MTR: variants seen among roughly 807,000 people sequenced by gnomAD.
The protein encoded by MTR is methionine synthase.
MTR carries 84 observed loss-of-function variants against 154.8 expected under a neutral mutation model. That is an observed-to-expected ratio of 0.54 (90% CI 0.45 to 0.65). MTR has a LOEUF of 0.65. Ranked by LOEUF, MTR falls within the 30% of genes least tolerant of loss-of-function variation. The pLI, the probability that MTR is intolerant of heterozygous loss-of-function variation, is 0.00. For missense variants in MTR, 1,275 were observed against 1,570.2 expected (o/e 0.81, Z 3.18); for synonymous variants, 554 against 553.9 (o/e 1.00, Z 0.00).
chr1:236,827,771 T>A (rs1662377348), intron 11 of MTR, among the ~76,000 whole-genome samples: 1 of 152,150 alleles, frequency 6.6e-6, no homozygotes, highest in African/African-American at 2.4e-5. Context: ...GTTTTATAGC[T>A]TATAGGAAGA....
intron 12 of MTR, among the ~76,000 whole-genome samples, chr1:236,830,835 C>A (rs962656702): frequency 6.6e-6 from 1 of 152,154 alleles, no homozygotes; most frequent in African/African-American, 2.4e-5. Flanking sequence ...GCGATAATCT[C>A]TATCAGTGCA....
chr1:236,816,094 G>T (rs1401657496), intron 7 of MTR, among the ~76,000 whole-genome samples: 1 of 152,186 alleles, frequency 6.6e-6, no homozygotes, highest in Non-Finnish European at 1.5e-5. Flanking sequence ...TCAAAACAAG[G>T]GTGTTAGATA....
intron 1 of MTR, among the ~76,000 whole-genome samples, chr1:236,798,234 A>G (rs1006259321): frequency 6.6e-6 from 1 of 152,196 alleles, no homozygotes; most frequent in Non-Finnish European, 1.5e-5. Flanking sequence ...AGTCAGATCT[A>G]TTTGGGGTCA....
At chr1:236,850,320 T>C (rs761445342) in intron 15 of MTR, 24 bp from the exon 16 acceptor site, 3 of 1,585,894 alleles carry the variant, frequency 1.9e-6, no homozygotes, top group Non-Finnish European at 2.6e-6. Context: ...TATTTCAAAC[T>C]ACATCTTTTG....
chr1:236,806,217 A>G lies in MTR; in HGVS notation c.323A>G (p.Tyr108Cys), dbSNP rs1660975598. ...FSSTSIAQAD[Y>C]GLEHLAYRMN... ...AGCACTAGTATTGCCCAAGCTGACT[A>G]TGGCCTTGAACACTTGGTAAGAATT... Residue 108 changes from tyrosine (Y) to cysteine (C), a missense_variant, in exon 3 of 33, where the codon TAT (tyrosine) becomes TGT (cysteine). Transcript: ENST00000366577. 3 of 1,613,896 alleles carry G rather than the reference A, an allele frequency of 1.9e-6. No homozygotes were observed. The highest frequency in any genetic ancestry group is 2.5e-6 in the Non-Finnish European group (3 of 1,179,754).
Position 236,895,426 on chromosome 1 carries a change from G to A in MTR, c.3474G>A (p.Leu1158=), listed in dbSNP as rs142113735. 6.0e-3 allele frequency: 9,618 copies of A among 1,604,632 alleles called. 39 individuals carry two copies. The highest frequency in any genetic ancestry group is 0.011 in the Middle Eastern group (66 of 6,052). ...ELWAYCGSEQ[L]DVADLRRLRY... ...GGGCCTACTGTGGCAGTGAGCAGCT[G>A]GACGTCGCAGACCTGCGCAGGCTGC... Residue 1158 remains leucine (L), a synonymous_variant, in exon 31 of 33, where the codon CTG becomes CTA. Coordinates refer to ENST00000366577, the MANE Select transcript of MTR (RefSeq NM_000254.3).
At chr1:236,867,190 T>C (rs1485852318) in intron 22 of MTR, among the ~76,000 whole-genome samples, 1 of 152,146 alleles carries the variant, frequency 6.6e-6, no homozygotes, top group African/African-American at 2.4e-5. Flanking sequence ...ACAGGCTGAC[T>C]CTCTTGTGGA....
chr1:236,834,762 C>A (rs1007352690), intron 13 of MTR, among the ~76,000 whole-genome samples: 1 of 152,148 alleles, frequency 6.6e-6, no homozygotes, highest in African/African-American at 2.4e-5. Flanking sequence ...TATTATGGAA[C>A]ATGTATATTT....
chr1:236,835,399 G>A, intron 13 of MTR, 148 bp from the exon 14 acceptor site: 1 of 850,882 alleles, frequency 1.2e-6, no homozygotes, highest in Non-Finnish European at 2.0e-6. Context: ...GATGAGTGAT[G>A]GGTGGACAGC....
intron 17 of MTR, 35 bp from the exon 18 acceptor site, chr1:236,852,913 C>A (rs765838539): frequency 6.2e-7 from 1 of 1,613,122 alleles, no homozygotes; most frequent in Admixed American, 1.7e-5. Flanking sequence ...TAAGGTATCA[C>A]TGTAAATTCT....
At position 236,874,965 on chromosome 1, in the gene MTR, G is replaced by A. The variant is rs144125442; in HGVS notation, c.2594+119G>A. 666 of 1,162,784 alleles carry A rather than the reference G, an allele frequency of 5.7e-4. 5 individuals carry two copies. The African/African-American group carries it at 8.1e-3, about 14-fold the overall frequency. The allele number at this position is 1,162,784 out of a possible 1,614,324, so 72.0% of individuals were successfully genotyped here. A position where few individuals can be genotyped will look rare whatever the true frequency, so the allele number is the denominator to read the frequency against. On this transcript the variant is annotated intron_variant, in intron 24 of 32. Transcript: ENST00000366577. ...CTTATGTTTAGTACATTGACTTTTT[G>A]TTATATAAACACAAACATTTTCTGG... is the stretch of plus-strand genomic sequence containing the variant.
rs187554293 is a variant in MTR, at chr1:236,862,356, G to T, written c.2304+13G>T. The T allele has an allele frequency of 6.2e-7, 1 of 1,605,958 alleles. No individual in the cohort carries two copies. The highest frequency in any genetic ancestry group is 8.5e-7 in the Non-Finnish European group (1 of 1,172,646). On this transcript the variant is annotated intron_variant, in intron 21 of 32. Transcript: ENST00000366577. ...AGTAGAAGAAGAGGCAAGTCATTTT[G>T]TTCAGGCCTATGGGCCTTTAGTGGG...
At chr1:236,887,528 T>A (rs1235282607) in intron 27 of MTR, among the ~76,000 whole-genome samples, 1 of 152,226 alleles carries the variant, frequency 6.6e-6, no homozygotes, top group Non-Finnish European at 1.5e-5. Flanking sequence ...CCCTGTGAAA[T>A]TGGAATAATA....
intron 3 of MTR, among the ~76,000 whole-genome samples, chr1:236,806,990 T>C (rs1481914234): frequency 6.6e-6 from 1 of 152,196 alleles, no homozygotes; most frequent in Non-Finnish European, 1.5e-5. Context: ...CATCTGTTGA[T>C]CATTTGGGTT....
intron 4 of MTR, 47 bp downstream of exon 4, chr1:236,808,820 C>A: frequency 6.4e-7 from 1 of 1,552,864 alleles, no homozygotes; most frequent in Non-Finnish European, 8.9e-7. Context: ...TCCTTTGATA[C>A]TGTCAGCTAT....
intron 29 of MTR, among the ~76,000 whole-genome samples, chr1:236,893,593 A>G (rs1203103745): frequency 6.6e-6 from 1 of 152,238 alleles, no homozygotes; most frequent in Non-Finnish European, 1.5e-5. Flanking sequence ...GCAGGCATAC[A>G]GTAACCACTG....
At chr1:236,849,631 A>T (rs1663785180) in intron 15 of MTR, among the ~76,000 whole-genome samples, 1 of 152,150 alleles carries the variant, frequency 6.6e-6, no homozygotes, top group African/African-American at 2.4e-5. Context: ...AGTAGAGGAG[A>T]GGGCAAATGG....
In MTR at chr1:236,844,879, G is replaced by A. The variant is rs138310061; in HGVS notation, c.1516-5465G>A. ...TGCAAAGCAGACTCACTCTGACAGG[G>A]AAGGCAGTCACTGCTGGAGCTTTTG... On this transcript the variant is annotated intron_variant, in intron 15 of 32. Coordinates refer to ENST00000366577, the MANE Select transcript of MTR (RefSeq NM_000254.3). 3.7e-3 allele frequency among the ~76,000 whole-genome samples: 570 copies of A among 152,284 alleles called. 2 individuals carry two copies. Among genetic ancestry groups the A allele is most frequent in the Non-Finnish European group, 4.6e-3 (312 of 68,030 alleles).
intron 22 of MTR, among the ~76,000 whole-genome samples, chr1:236,867,686 A>G (rs1664894744): frequency 6.6e-6 from 1 of 152,218 alleles, no homozygotes. Context: ...AGGTCAAAAT[A>G]TCAACATTAA....
Sources: allele counts gnomAD v4.1 joint callset (sites outside exome capture counted in the v4.1 genomes callset), GRCh38; gene constraint gnomAD v4.1.1; transcripts MANE v1.5; gene names NCBI Gene and HGNC (gene_info 2026-07-23, HGNC 2026-07-21).